Variants in RORA observed in about 807,000 individuals in gnomAD.
RORA encodes RAR related orphan receptor A.
RORA carries 7 observed loss-of-function variants against 69.5 expected under a neutral mutation model. The observed-to-expected ratio is 0.10, with a 90% CI of 0.06 to 0.19. The LOEUF is 0.19. Ranked by LOEUF, RORA falls within the 10% of genes least tolerant of loss-of-function variation. The pLI is 1.00. For synonymous variants in RORA, 261 were observed against 240.8 expected, an observed-to-expected ratio of 1.08 and a Z score of -0.78; for missense variants, 457 against 663.0, an observed-to-expected ratio of 0.69 and a Z score of 3.41.
At chr15:60,941,970 C>G (rs939057530) in intron 1 of RORA, among the ~76,000 whole-genome samples, 8 of 152,214 alleles carry the variant, frequency 5.3e-5, no homozygotes, top group African/African-American at 1.9e-4. Context: ...GTCCAGTGAG[C>G]AGGCAAATCT....
At chr15:60,597,577 C>CATAT (rs1303140365) in intron 2 of RORA, among the ~76,000 whole-genome samples, 4,284 of 24,804 alleles carry the variant, frequency 0.17, 445 homozygotes, top group Non-Finnish European at 0.23. Context: ...TATATATACA[C>CATAT]ATATATATAT....
chr15:60,858,995 T>C (rs1289857388), intron 1 of RORA, among the ~76,000 whole-genome samples: 3 of 150,378 alleles, frequency 2.0e-5, no homozygotes, highest in East Asian at 1.9e-4. Context: ...TTTTTTTTTT[T>C]CCTGGGGGCT....
chr15:61,025,302 T>C (rs767278577), intron 1 of RORA, among the ~76,000 whole-genome samples: 4 of 152,182 alleles, frequency 2.6e-5, no homozygotes, highest in Non-Finnish European at 4.4e-5. Context: ...CACAAAGCCT[T>C]GTGAAAACGC....
At position 61,034,788 on chromosome 15, in the gene RORA, C is replaced by CAAAAAAAAAAAAAAAAA. The variant is rs33933996; in HGVS notation, c.166+194248_166+194264dup. ...TGATTCCACTAAAAACATCACAGAC[C>CAAAAAAAAAAAAAAAAA]AAAAAAAAAAAAAAAAAAAAAAATC... is the stretch of plus-strand genomic sequence containing the variant. On this transcript the variant is annotated intron_variant, in intron 1 of 10. Transcript: ENST00000335670. Among the ~76,000 whole-genome samples the CAAAAAAAAAAAAAAAAA allele has an allele frequency of 7.2e-5, 6 of 82,948 alleles. 1 individual carries two copies. The highest frequency in any genetic ancestry group is 1.4e-4 in the African/African-American group (3 of 21,958). The allele number at this position is 82,948 out of a possible 152,430, so 54.4% of individuals were successfully genotyped here.
chr15:60,620,735 C>G (rs1362654047), intron 2 of RORA, among the ~76,000 whole-genome samples: 1 of 152,234 alleles, frequency 6.6e-6, no homozygotes, highest in Admixed American at 6.5e-5. Flanking sequence ...GCCACAAACT[C>G]GTTTGGCTGG....
At chr15:60,873,788 T>G (rs1030251790) in intron 1 of RORA, among the ~76,000 whole-genome samples, 1 of 152,158 alleles carries the variant, frequency 6.6e-6, no homozygotes, top group Non-Finnish European at 1.5e-5. Flanking sequence ...GATATCCGGT[T>G]GCTGTTTTAA....
At chr15:60,797,899 T>C (rs986877583) in intron 1 of RORA, among the ~76,000 whole-genome samples, 1 of 152,152 alleles carries the variant, frequency 6.6e-6, no homozygotes, top group Middle Eastern at 3.2e-3. Flanking sequence ...TCCAGTCTTT[T>C]CCCAGGAGTT....
Position 61,156,017 on chromosome 15 carries a change from C to G in RORA, c.166+73036G>C, listed in dbSNP as rs987185369. Among the ~76,000 whole-genome samples the G allele has an allele frequency of 1.3e-5, 2 of 152,154 alleles. 1 individual carries two copies. The highest frequency in any genetic ancestry group is 4.8e-5 in the African/African-American group (2 of 41,422). Reference sequence around the variant, plus strand: ...AGGCTGGGTGTTAATCCAGCTGTAACCATTCACTCTCCTTGCACATGACTT... The same window carrying G: ...AGGCTGGGTGTTAATCCAGCTGTAAGCATTCACTCTCCTTGCACATGACTT... On this transcript the variant is annotated intron_variant, in intron 1 of 10. Coordinates refer to ENST00000335670, the MANE Select transcript of RORA (RefSeq NM_134261.3).
At chr15:61,133,078 A>G (rs2079206408) in intron 1 of RORA, among the ~76,000 whole-genome samples, 1 of 152,188 alleles carries the variant, frequency 6.6e-6, no homozygotes, top group Admixed American at 6.5e-5. Context: ...TAAAACTGTA[A>G]ATACTAGAAA....
chr15:60,556,477 G>C (rs2067362052), intron 2 of RORA, among the ~76,000 whole-genome samples: 1 of 152,138 alleles, frequency 6.6e-6, no homozygotes, highest in Non-Finnish European at 1.5e-5. Flanking sequence ...AGAGAACTAA[G>C]GCAGTTACCT....
intron 1 of RORA, among the ~76,000 whole-genome samples, chr15:60,788,087 T>C (rs1467309445): frequency 6.6e-6 from 1 of 152,196 alleles, no homozygotes; most frequent in East Asian, 1.9e-4. Flanking sequence ...GGGGAGCTGA[T>C]CATGTCTGAG....
chr15:60,912,147 AC>A (rs2140480059), intron 1 of RORA, among the ~76,000 whole-genome samples: 1 of 151,762 alleles, frequency 6.6e-6, no homozygotes, highest in Non-Finnish European at 1.5e-5. Context: ...GCAGTGGCTC[AC>A]GCCTATAATC....
At chr15:60,595,058 G>T (rs2068636193) in intron 2 of RORA, among the ~76,000 whole-genome samples, 1 of 150,976 alleles carries the variant, frequency 6.6e-6, no homozygotes. Flanking sequence ...CACTCAAAAT[G>T]CACATTTTCT....
chr15:61,032,987 C>T (rs1422555077), intron 1 of RORA, among the ~76,000 whole-genome samples: 2 of 152,182 alleles, frequency 1.3e-5, no homozygotes, highest in African/African-American at 4.8e-5. Flanking sequence ...ATGATACTTA[C>T]TCCTCAAACA....
intron 1 of RORA, among the ~76,000 whole-genome samples, chr15:61,191,346 G>C (rs1430498302): frequency 7.0e-6 from 1 of 142,224 alleles, no homozygotes; most frequent in African/African-American, 2.6e-5. Flanking sequence ...AGCACACCTA[G>C]GCTGCCATCT....
chr15:61,048,550 G>A (rs901570657), intron 1 of RORA, among the ~76,000 whole-genome samples: 3 of 152,190 alleles, frequency 2.0e-5, no homozygotes, highest in Admixed American at 2.0e-4. Flanking sequence ...GACAGCCCCT[G>A]CCCTGAAAGC....
At chr15:60,959,170 G>T (rs532298433) in intron 1 of RORA, among the ~76,000 whole-genome samples, 1 of 152,324 alleles carries the variant, frequency 6.6e-6, no homozygotes, top group South Asian at 2.1e-4. Flanking sequence ...AAGAGGAATA[G>T]AAATTGTTTC....
chr15:61,074,739 G>A (rs16943579), intron 1 of RORA, among the ~76,000 whole-genome samples: 16,896 of 152,158 alleles, frequency 0.11, 1,153 homozygotes, highest in East Asian at 0.19. Flanking sequence ...GTGAGGTACA[G>A]GCCAAACTGT....
At chr15:60,742,111 A>T (rs1283960333) in intron 1 of RORA, among the ~76,000 whole-genome samples, 1 of 152,136 alleles carries the variant, frequency 6.6e-6, no homozygotes, top group Non-Finnish European at 1.5e-5. Flanking sequence ...ATCTATCTAT[A>T]TGTATAGATA....
Sources: allele counts gnomAD v4.1 joint callset (sites outside exome capture counted in the v4.1 genomes callset), GRCh38; gene constraint gnomAD v4.1.1; transcripts MANE v1.5; gene names NCBI Gene and HGNC (gene_info 2026-07-23, HGNC 2026-07-21).